CCDC141: variants seen among roughly 807,000 people sequenced by gnomAD.
CCDC141 encodes coiled-coil domain containing 141.
A neutral mutation model predicts 181.0 loss-of-function variants in CCDC141; 168 were observed. That is an observed-to-expected ratio of 0.93 (90% CI 0.82 to 1.05). The LOEUF (loss-of-function observed/expected upper bound fraction) is 1.05. CCDC141 is among the 50% of genes least tolerant of loss of function. The pLI, the probability that CCDC141 is intolerant of heterozygous loss-of-function variation, is 0.00. For missense variants in CCDC141, 1,902 were observed against 1,788.5 expected (o/e 1.06, Z -1.14); for synonymous variants, 666 against 642.3 (o/e 1.04, Z -0.56).
intron 4 of CCDC141, among the ~76,000 whole-genome samples, chr2:178,971,222 T>C (rs1285316543): frequency 2.0e-5 from 3 of 151,728 alleles, no homozygotes; most frequent in African/African-American, 7.3e-5. Flanking sequence ...AAAAAAAAAT[T>C]TATAAGAAAA....
Position 178,891,787 on chromosome 2 carries a change from CTCT to C in CCDC141, c.1266-3122_1266-3120del, listed in dbSNP as rs368536325. Reference sequence around the variant, plus strand: ...AATCATATAGGATCTCTCTCTCTCTCTCTCTCTCTCTGTTTTTCAGTAACCTTG... The same window carrying C: ...AATCATATAGGATCTCTCTCTCTCTCCTCTCTCTGTTTTTCAGTAACCTTG... On this transcript the variant is annotated intron_variant, in intron 8 of 23. Transcript: ENST00000443758. Among the ~76,000 whole-genome samples the C allele has an allele frequency of 1.6e-3, 237 of 152,214 alleles. 2 individuals are homozygous for C. Among genetic ancestry groups the C allele is most frequent in the African/African-American group, 5.2e-3 (218 of 41,524 alleles).
Position 178,928,483 on chromosome 2 carries a change from C to G in CCDC141, c.898-9576G>C, listed in dbSNP as rs114983556. 3.6e-3 allele frequency among the ~76,000 whole-genome samples: 550 copies of G among 152,132 alleles called. 1 individual carries two copies. Among genetic ancestry groups the G allele is most frequent in the Middle Eastern group, 0.024 (7 of 294 alleles). On this transcript the variant is annotated intron_variant, in intron 6 of 23. Coordinates refer to ENST00000443758, the MANE Select transcript of CCDC141 (RefSeq NM_173648.4). ...CTCTTATTATCATGATAGCAAAATACCATGCAATATAATAGTATTAACTGT... is the reference window on the plus strand; with the variant it reads ...CTCTTATTATCATGATAGCAAAATAGCATGCAATATAATAGTATTAACTGT...
intron 18 of CCDC141, among the ~76,000 whole-genome samples, 180 bp from the exon 19 acceptor site, chr2:178,855,721 C>T (rs1460705658): frequency 6.6e-6 from 1 of 152,146 alleles, no homozygotes; most frequent in Non-Finnish European, 1.5e-5. Context: ...ATTGATTTAG[C>T]ATTCAGCAAA....
At chr2:179,041,258 T>G (rs2043293064) in intron 2 of CCDC141, among the ~76,000 whole-genome samples, 1 of 152,002 alleles carries the variant, frequency 6.6e-6, no homozygotes. Flanking sequence ...GCCTAGCTAA[T>G]TTTTTGTATT....
chr2:179,026,234 G>A lies in CCDC141; in HGVS notation c.225+21050C>T, dbSNP rs141490418. Among the ~76,000 whole-genome samples, 1,117 of 152,276 alleles carry A rather than the reference G, an allele frequency of 7.3e-3. 13 individuals are homozygous for A. The highest frequency in any genetic ancestry group is 0.024 in the African/African-American group (999 of 41,554). On this transcript the variant is annotated intron_variant, in intron 2 of 23. Coordinates refer to ENST00000443758, the MANE Select transcript of CCDC141 (RefSeq NM_173648.4). ...TTCATTGCAGCCCCTTCCATCACAA[G>A]CCCAGAGGCCTAGGAGGAAAAAGTG...
chr2:179,020,444 A>C (rs1482731151), intron 2 of CCDC141, among the ~76,000 whole-genome samples: 3 of 152,208 alleles, frequency 2.0e-5, no homozygotes, highest in African/African-American at 7.2e-5. Flanking sequence ...CCATGAGACC[A>C]CGTTGGCTGT....
At chr2:179,013,273 A>G (rs1267891564) in intron 2 of CCDC141, among the ~76,000 whole-genome samples, 1 of 152,198 alleles carries the variant, frequency 6.6e-6, no homozygotes, top group Non-Finnish European at 1.5e-5. Context: ...CAAAGTTTCC[A>G]GATACAAGAT....
chr2:178,857,924 CTG>C (rs1685455057), intron 17 of CCDC141, among the ~76,000 whole-genome samples: 3 of 152,152 alleles, frequency 2.0e-5, no homozygotes, highest in Admixed American at 6.5e-5. Context: ...ATTCTGCAGA[CTG>C]TGAAAATAAA....
intron 5 of CCDC141, among the ~76,000 whole-genome samples, chr2:178,945,233 C>A (rs1038137590): frequency 6.6e-6 from 1 of 152,104 alleles, no homozygotes; most frequent in Non-Finnish European, 1.5e-5. Context: ...ATAATCTGTA[C>A]CTTTCTAAAT....
intron 2 of CCDC141, among the ~76,000 whole-genome samples, chr2:179,017,229 A>T (rs1242192901): frequency 6.6e-6 from 1 of 152,030 alleles, no homozygotes; most frequent in African/African-American, 2.4e-5. Context: ...ATAATAGTTG[A>T]CTTTTGAAAA....
Position 178,877,745 on chromosome 2 carries a change from TA to T in CCDC141, c.1899+218del, listed in dbSNP as rs1369922459. ...ATTTGGATTACAGTCACTTTCTTCTTAATAGTTAAAACAGCCTTCCTGTTAT... is the reference window on the plus strand; with the variant it reads ...ATTTGGATTACAGTCACTTTCTTCTTATAGTTAAAACAGCCTTCCTGTTAT... On this transcript the variant is annotated intron_variant, in intron 12 of 23. Coordinates refer to ENST00000443758, the MANE Select transcript of CCDC141 (RefSeq NM_173648.4). The T allele has an allele frequency of 1.5e-5, 9 of 591,548 alleles. No individual in the cohort carries two copies. In the East Asian group the frequency reaches 2.7e-4, roughly 18 times the overall value. The allele number at this position is 591,548 out of a possible 1,614,324, so 36.6% of individuals were successfully genotyped here.
intron 2 of CCDC141, among the ~76,000 whole-genome samples, chr2:179,024,265 G>A (rs1320100195): frequency 6.6e-6 from 1 of 152,174 alleles, no homozygotes; most frequent in Non-Finnish European, 1.5e-5. Context: ...AGCAAGAACA[G>A]CAAGGTATGT....
intron 7 of CCDC141, among the ~76,000 whole-genome samples, chr2:178,908,431 A>G (rs1480139842): frequency 1.3e-5 from 2 of 152,134 alleles, no homozygotes; most frequent in Non-Finnish European, 2.9e-5. Flanking sequence ...TGACCTTGTG[A>G]TCTGCCTGCG....
rs139983321 is a variant in CCDC141 at position 178,832,449 on chromosome 2, G to C, written c.*1724C>G. On this transcript the variant is annotated 3_prime_UTR_variant, in exon 24 of 24. Transcript: ENST00000443758. Reference sequence around the variant, plus strand: ...GATGGCACCACTGCACTGGGCAAGAGAGCAAGACTCTTTCTCAAAAAAAAA... The same window carrying C: ...GATGGCACCACTGCACTGGGCAAGACAGCAAGACTCTTTCTCAAAAAAAAA... 224 of 112,688 alleles carry C rather than the reference G, an allele frequency of 2.0e-3. 2 individuals carry two copies. Among genetic ancestry groups the C allele is most frequent in the Middle Eastern group, 0.011 (1 of 90 alleles). 7.0% of individuals were successfully genotyped at this position (112,688 alleles called of 1,614,324 possible). A position where few individuals can be genotyped will look rare whatever the true frequency, so the allele number is the denominator to read the frequency against.
rs1380318401 is a variant in CCDC141, at chr2:178,872,337, T to C, written c.1900-25A>G. On this transcript the variant is annotated intron_variant, in intron 12 of 23. Coordinates refer to ENST00000443758, the MANE Select transcript of CCDC141 (RefSeq NM_173648.4). Reference sequence around the variant, plus strand: ...CCTGTTAAATTAATAATTCATATAATAGCTTTTCTTTCCCAAGAGATACAG... The same window carrying C: ...CCTGTTAAATTAATAATTCATATAACAGCTTTTCTTTCCCAAGAGATACAG... The C allele has an allele frequency of 5.7e-6, 9 of 1,570,950 alleles. No homozygotes were observed. In the African/African-American group the frequency reaches 6.9e-5, roughly 12 times the overall value.
intron 5 of CCDC141, among the ~76,000 whole-genome samples, chr2:178,954,128 A>G (rs889650202): frequency 9.2e-5 from 14 of 152,242 alleles, no homozygotes; most frequent in Non-Finnish European, 1.8e-4. Flanking sequence ...CGTCCTTGAC[A>G]CTGTCGTGTA....
At chr2:179,015,105 A>ATATAT (rs2042417111) in intron 2 of CCDC141, among the ~76,000 whole-genome samples, 22 of 21,360 alleles carry the variant, frequency 1.0e-3, no homozygotes, top group African/African-American at 2.4e-3. Flanking sequence ...TATATATATA[A>ATATAT]TATATATATA....
chr2:178,855,002 T>G (rs527275182), intron 19 of CCDC141, among the ~76,000 whole-genome samples: 8 of 152,346 alleles, frequency 5.3e-5, no homozygotes, highest in Admixed American at 2.0e-4. Flanking sequence ...TAAACCATTC[T>G]GAGCATTTTA....
chr2:178,962,818 C>T (rs1245752130), intron 4 of CCDC141, among the ~76,000 whole-genome samples: 1 of 152,114 alleles, frequency 6.6e-6, no homozygotes, highest in Non-Finnish European at 1.5e-5. Context: ...AGTCTCTCCA[C>T]TTTTCATTCT....
Sources: allele counts gnomAD v4.1 joint callset (sites outside exome capture counted in the v4.1 genomes callset), GRCh38; gene constraint gnomAD v4.1.1; transcripts MANE v1.5; gene names NCBI Gene and HGNC (gene_info 2026-07-23, HGNC 2026-07-21).